The following FNDC3B variants were observed in gnomAD, a reference collection of about 807,000 sequenced individuals.
FNDC3B encodes fibronectin type III domain-containing protein 3B.
Under a neutral mutation model 151.5 loss-of-function variants are expected in FNDC3B, and 12 were observed. The observed-to-expected ratio is 0.08, with a 90% confidence interval of 0.05 to 0.13. The LOEUF is 0.13. FNDC3B is among the 10% of genes least tolerant of loss of function. FNDC3B has a pLI of 1.00. For synonymous variants in FNDC3B, 528 were observed against 549.0 expected (o/e 0.96, Z 0.54); for missense variants, 1,214 against 1,505.3 (o/e 0.81, Z 3.20).
At chr3:172,061,618 T>C (rs1181560921) in intron 1 of FNDC3B, among the ~76,000 whole-genome samples, 1 of 152,236 alleles carries the variant, frequency 6.6e-6, no homozygotes, top group East Asian at 1.9e-4. Flanking sequence ...TAATGTGTCA[T>C]GTACAATCTG....
intron 3 of FNDC3B, among the ~76,000 whole-genome samples, chr3:172,185,299 G>A (rs1458321893): frequency 6.6e-6 from 1 of 152,012 alleles, no homozygotes; most frequent in East Asian, 1.9e-4. Flanking sequence ...CCCCTTTCTG[G>A]CCCCTCATCT....
chr3:172,319,338 T>G (rs1731969783), intron 11 of FNDC3B, among the ~76,000 whole-genome samples: 2 of 152,208 alleles, frequency 1.3e-5, no homozygotes, highest in Non-Finnish European at 2.9e-5. Flanking sequence ...GAGACAGTCT[T>G]AACACATCGA....
chr3:172,199,182 T>C (rs970449586), intron 3 of FNDC3B, among the ~76,000 whole-genome samples: 3 of 146,244 alleles, frequency 2.1e-5, no homozygotes, highest in Non-Finnish European at 4.5e-5. Context: ...TTATTTTATT[T>C]TTTATTTTTT....
At chr3:172,258,591 G>A (rs1290548914) in intron 6 of FNDC3B, among the ~76,000 whole-genome samples, 2 of 152,180 alleles carry the variant, frequency 1.3e-5, no homozygotes, top group African/African-American at 4.8e-5. Context: ...CTGGGGGTCT[G>A]AGACTGTGGA....
At chr3:172,109,326 C>T (rs1290672701) in intron 1 of FNDC3B, among the ~76,000 whole-genome samples, 6 of 152,116 alleles carry the variant, frequency 3.9e-5, no homozygotes, top group South Asian at 2.1e-4. Context: ...CCACTGCGCC[C>T]GGCTAATTTT....
chr3:172,155,464 G>A (rs917587500), intron 3 of FNDC3B, among the ~76,000 whole-genome samples: 1 of 152,188 alleles, frequency 6.6e-6, no homozygotes, highest in Non-Finnish European at 1.5e-5. Flanking sequence ...GGCAGATTCA[G>A]GTCTGTCATA....
intron 19 of FNDC3B, among the ~76,000 whole-genome samples, chr3:172,344,732 ACT>A (rs1733521415): frequency 6.6e-6 from 1 of 152,058 alleles, no homozygotes; most frequent in South Asian, 2.1e-4. Context: ...AAACTACAGG[ACT>A]CTCTCCTTCT....
intron 1 of FNDC3B, among the ~76,000 whole-genome samples, chr3:172,078,138 G>T (rs1718108352): frequency 6.6e-6 from 1 of 152,034 alleles, no homozygotes; most frequent in African/African-American, 2.4e-5. Flanking sequence ...CCGCCACCAT[G>T]GCCTGCTAAT....
chr3:172,307,245 A>T (rs1324045445), intron 9 of FNDC3B, 118 bp from the exon 10 acceptor site: 2 of 1,020,378 alleles, frequency 2.0e-6, no homozygotes, highest in East Asian at 4.8e-5. Context: ...CAAGAGCATG[A>T]TACTCACTCC....
At chr3:172,044,214 A>G (rs1050653932) in intron 1 of FNDC3B, among the ~76,000 whole-genome samples, 3 of 151,640 alleles carry the variant, frequency 2.0e-5, no homozygotes, top group Non-Finnish European at 1.5e-5. Context: ...ATTGAATTTT[A>G]GAGTTTCATT....
chr3:172,281,580 T>A (rs1729728527), intron 6 of FNDC3B, among the ~76,000 whole-genome samples: 1 of 152,226 alleles, frequency 6.6e-6, no homozygotes, highest in South Asian at 2.1e-4. Context: ...TTTGCTTACA[T>A]GATTTTGTCT....
At chr3:172,286,315 G>A (rs559284194) in intron 7 of FNDC3B, among the ~76,000 whole-genome samples, 1 of 151,032 alleles carries the variant, frequency 6.6e-6, no homozygotes, top group East Asian at 1.9e-4. Context: ...CCATATAAAT[G>A]TAGTAATAAT....
Position 172,353,041 on chromosome 3 carries a change from C to G in FNDC3B, c.2753C>G (p.Thr918Ser). ...ACTAGCATTACCGTGGGCAACACCA[C>G]CATGCATGTTATGAAAGATCTCCTT... ...GDTSITVGNT[T>S]MHVMKDLLPE... The change falls in exon 22 of 26, where the codon ACC becomes AGC. Residue 918 changes from threonine to serine, a missense_variant. Coordinates refer to ENST00000415807, the MANE Select transcript of FNDC3B (RefSeq NM_022763.4). The G allele has an allele frequency of 6.2e-7, 1 of 1,614,078 alleles. No homozygotes were observed.
chr3:172,054,670 C>A (rs966874999), intron 1 of FNDC3B, among the ~76,000 whole-genome samples: 3 of 152,198 alleles, frequency 2.0e-5, no homozygotes, highest in African/African-American at 7.2e-5. Context: ...TCTCCTTTCT[C>A]TCCTGTCTCA....
chr3:172,249,955 CT>C (rs1727984611), intron 5 of FNDC3B, among the ~76,000 whole-genome samples: 1 of 148,060 alleles, frequency 6.8e-6, no homozygotes, highest in Non-Finnish European at 1.5e-5. Flanking sequence ...GGTCTCTTGC[CT>C]TGAAGAAATT....
chr3:172,311,827 G>A (rs1000832775), intron 11 of FNDC3B, among the ~76,000 whole-genome samples: 3 of 150,318 alleles, frequency 2.0e-5, no homozygotes, highest in Non-Finnish European at 4.4e-5. Context: ...GCAGTGAGCC[G>A]AGATCGCACC....
chr3:172,157,070 A>G (rs557328291), intron 3 of FNDC3B, among the ~76,000 whole-genome samples: 2 of 152,210 alleles, frequency 1.3e-5, no homozygotes, highest in South Asian at 2.1e-4. Flanking sequence ...ATATGATACT[A>G]TTCTTGAAAA....
chr3:172,335,188 T>C, intron 15 of FNDC3B, 106 bp downstream of exon 15: 4 of 1,228,042 alleles, frequency 3.3e-6, no homozygotes, highest in Non-Finnish European at 3.3e-6. Flanking sequence ...TTGTGGATGG[T>C]ATTTGCAGAA....
chr3:172,262,119 C>T (rs986790267), intron 6 of FNDC3B, among the ~76,000 whole-genome samples: 17 of 152,122 alleles, frequency 1.1e-4, no homozygotes, highest in African/African-American at 3.9e-4. Flanking sequence ...GAAAGGAGCA[C>T]ACAGTGGGCA....
Sources: gnomAD v4.1 joint callset for allele counts (sites outside exome capture counted in the v4.1 genomes callset) on GRCh38, gnomAD v4.1.1 for gene constraint, MANE v1.5 for transcripts, NCBI Gene and HGNC (gene_info 2026-07-23, HGNC 2026-07-21) for gene names.